PPME1: variants seen among roughly 807,000 people sequenced by gnomAD.
PPME1 encodes the protein protein phosphatase methylesterase 1.
PPME1 carries 17 observed loss-of-function variants against 56.9 expected under a neutral mutation model. The observed-to-expected ratio is 0.30, with a 90% CI of 0.20 to 0.45. The LOEUF (loss-of-function observed/expected upper bound fraction) is 0.45, where lower values mean the gene tolerates loss of function less well. Among genes scored for constraint, PPME1 ranks in the 20% least tolerant of loss-of-function variants. PPME1 has a pLI of 1.00. For missense variants in PPME1, 357 were observed against 483.2 expected (o/e 0.74, Z 2.45); for synonymous variants, 122 against 156.2 (o/e 0.78, Z 1.63).
intron 1 of PPME1, among the ~76,000 whole-genome samples, chr11:74,173,093 GAGAT>G (rs1261427680): frequency 6.6e-6 from 1 of 152,160 alleles, no homozygotes; most frequent in Non-Finnish European, 1.5e-5. Context: ...AGGAGATAGA[GAGAT>G]AGACGCACAA....
At chr11:74,181,775 T>C (rs770460522) in intron 1 of PPME1, among the ~76,000 whole-genome samples, 4 of 152,232 alleles carry the variant, frequency 2.6e-5, no homozygotes, top group Non-Finnish European at 5.9e-5. Context: ...CAGCAAACAT[T>C]TTCTGTTAAA....
chr11:74,227,929 C>T (rs1393284570), intron 5 of PPME1, among the ~76,000 whole-genome samples: 12 of 151,982 alleles, frequency 7.9e-5, no homozygotes, highest in Admixed American at 7.9e-4. Flanking sequence ...GACCTCTCTA[C>T]CTTTGTGCAT....
intron 1 of PPME1, among the ~76,000 whole-genome samples, chr11:74,188,666 A>G (rs560483552): frequency 6.6e-6 from 1 of 152,346 alleles, no homozygotes; most frequent in African/African-American, 2.4e-5. Flanking sequence ...CTTTATCCAA[A>G]TATGTATGTA....
intron 1 of PPME1, among the ~76,000 whole-genome samples, chr11:74,185,585 A>G (rs1276966882): frequency 2.0e-5 from 3 of 150,756 alleles, no homozygotes; most frequent in Non-Finnish European, 4.4e-5. Context: ...GCTTTCATTA[A>G]TGGTGTTTCA....
At chr11:74,222,789 C>G in intron 4 of PPME1, 1 of 164,178 alleles carries the variant, frequency 6.1e-6, no homozygotes, top group Middle Eastern at 5.6e-4. Context: ...GCGCCCAGCT[C>G]GATTTGGGCA....
chr11:74,235,947 A>G lies in PPME1; in HGVS notation c.691A>G (p.Met231Val), dbSNP rs572746963. ...IRNLESARVS[M>V]VGQVKQCEGI... ...AAATCTGGAGTCTGCCCGTGTCTCAATGGTTGGCCAAGTCAAACAGTAGGT... is the reference window on the plus strand; with the variant it reads ...AAATCTGGAGTCTGCCCGTGTCTCAGTGGTTGGCCAAGTCAAACAGTAGGT... Residue 231 changes from methionine to valine, a missense_variant, in exon 8 of 14, where the codon ATG (methionine) becomes GTG (valine). By Grantham distance (21) the Met-to-Val change is conservative (BLOSUM62 1). Transcript: ENST00000328257. 4.0e-5 allele frequency: 64 copies of G among 1,612,694 alleles called. No individual in the cohort carries two copies. Among genetic ancestry groups the G allele is most frequent in the East Asian group, 6.7e-5 (3 of 44,852 alleles).
chr11:74,253,489 C>T lies in PPME1; in HGVS notation c.1143-3C>T. ...TTTTCCTTCTCTTTCTGTTCTTCCACAGTGTGTTTCCTGGCTGTTAGTGAC... is the reference window on the plus strand; with the variant it reads ...TTTTCCTTCTCTTTCTGTTCTTCCATAGTGTGTTTCCTGGCTGTTAGTGAC... On this transcript the variant is annotated splice_region_variant and splice_polypyrimidine_tract_variant and intron_variant, in intron 13 of 13. Coordinates refer to ENST00000328257, the MANE Select transcript of PPME1 (RefSeq NM_016147.3). 1 of 1,607,206 alleles carries T rather than the reference C, an allele frequency of 6.2e-7. No individual in the cohort carries two copies.
chr11:74,247,827 G>C (rs1236388447), intron 11 of PPME1: 1 of 152,556 alleles, frequency 6.6e-6, no homozygotes, highest in Non-Finnish European at 1.5e-5. Context: ...AAAGGGAAAG[G>C]CTCAAGATAA....
intron 9 of PPME1, among the ~76,000 whole-genome samples, chr11:74,239,822 C>T (rs975470243): frequency 6.6e-6 from 1 of 151,964 alleles, no homozygotes; most frequent in Non-Finnish European, 1.5e-5. Flanking sequence ...CCTCGTGATC[C>T]ACCCGCCTTG....
At chr11:74,245,137 T>C (rs1328515071) in intron 9 of PPME1, among the ~76,000 whole-genome samples, 1 of 152,182 alleles carries the variant, frequency 6.6e-6, no homozygotes, top group Non-Finnish European at 1.5e-5. Flanking sequence ...AATTTTGTTC[T>C]TCTTCAAAAT....
At chr11:74,206,975 G>T (rs1858345334) in intron 3 of PPME1, among the ~76,000 whole-genome samples, 1 of 152,152 alleles carries the variant, frequency 6.6e-6, no homozygotes, top group African/African-American at 2.4e-5. Context: ...AATACTATGA[G>T]ATTAGCCAGA....
At chr11:74,197,374 A>G (rs972411804) in intron 1 of PPME1, among the ~76,000 whole-genome samples, 4 of 152,180 alleles carry the variant, frequency 2.6e-5, no homozygotes, top group African/African-American at 4.8e-5. Flanking sequence ...GCTCTAATGG[A>G]TCTCACATTA....
chr11:74,174,800 T>C (rs1315642756), intron 1 of PPME1, among the ~76,000 whole-genome samples: 2 of 152,208 alleles, frequency 1.3e-5, no homozygotes. Context: ...ACCTGCATGG[T>C]GAATATTTTC....
intron 1 of PPME1, among the ~76,000 whole-genome samples, chr11:74,178,990 T>TA (rs1591012600): frequency 1.3e-5 from 2 of 152,136 alleles, no homozygotes; most frequent in Admixed American, 1.3e-4. Flanking sequence ...ATTCTTCAAA[T>TA]ACAATATTGA....
chr11:74,220,397 G>A lies in PPME1; in HGVS notation c.289-1915G>A, dbSNP rs144323666. Among the ~76,000 whole-genome samples the A allele has an allele frequency of 8.5e-4, 129 of 152,288 alleles. 4 individuals are homozygous for A. The East Asian group carries it at 0.023, about 27-fold the overall frequency. On this transcript the variant is annotated intron_variant, in intron 3 of 13. Coordinates refer to ENST00000328257, the MANE Select transcript of PPME1 (RefSeq NM_016147.3). The stretch of plus-strand genomic sequence containing the variant: ...TACATTAGAATCACCTGGAGAAGTC[G>A]AAAATGTGTAAATAACTTGAATCAG...
At chr11:74,211,484 CAATGCA>C (rs1265744591) in intron 3 of PPME1, among the ~76,000 whole-genome samples, 1 of 152,034 alleles carries the variant, frequency 6.6e-6, no homozygotes, top group Non-Finnish European at 1.5e-5. Context: ...ATGAAAATAA[CAATGCA>C]AATGGATTAA....
intron 5 of PPME1, among the ~76,000 whole-genome samples, chr11:74,229,066 T>C (rs1859001524): frequency 6.6e-6 from 1 of 152,210 alleles, no homozygotes; most frequent in African/African-American, 2.4e-5. Context: ...TCAGATTGTC[T>C]ACAATTGCCG....
intron 1 of PPME1, among the ~76,000 whole-genome samples, chr11:74,174,831 T>G (rs1488432970): frequency 2.6e-5 from 4 of 152,222 alleles, no homozygotes; most frequent in Admixed American, 1.3e-4. Flanking sequence ...GGTAAAGACA[T>G]TCAGACCCAG....
Position 74,230,542 on chromosome 11 carries a change from C to A in PPME1, c.553+143C>A. 1 of 1,017,898 alleles carries A rather than the reference C, an allele frequency of 9.8e-7. No homozygotes were observed. Among genetic ancestry groups the A allele is most frequent in the Non-Finnish European group, 1.4e-6 (1 of 703,220 alleles). The allele number at this position is 1,017,898 out of a possible 1,614,324, so 63.1% of individuals were successfully genotyped here. A position where few individuals can be genotyped will look rare whatever the true frequency, so the allele number is the denominator to read the frequency against. ...TCTTTATATCTTTTTTAAGTTTATACAAGATAACCATTTTTCCATGTCATC... is the reference window on the plus strand; with the variant it reads ...TCTTTATATCTTTTTTAAGTTTATAAAAGATAACCATTTTTCCATGTCATC... On this transcript the variant is annotated intron_variant, in intron 6 of 13. Coordinates refer to ENST00000328257, the MANE Select transcript of PPME1 (RefSeq NM_016147.3). This position sits in a 1 kb window ranked among gnomAD's most constrained non-coding sequence, Gnocchi z 4.9.
Sources: gnomAD v4.1 joint callset for allele counts (sites outside exome capture counted in the v4.1 genomes callset) on GRCh38, gnomAD v4.1.1 for gene constraint, Gnocchi (gnomAD v3.1) non-coding constraint, MANE v1.5 for transcripts, NCBI Gene and HGNC (gene_info 2026-07-23, HGNC 2026-07-21) for gene names.